The following ABI3BP variants were observed in gnomAD, a reference collection of about 807,000 sequenced individuals.
ABI3BP encodes ABI family member 3 binding protein, also known as target of Nesh-SH3.
In ABI3BP, 216 loss-of-function variants were observed where a neutral mutation model predicts 268.6. The ratio of observed to expected loss-of-function variants is 0.80; its 90% CI spans 0.72 to 0.90. The LOEUF (loss-of-function observed/expected upper bound fraction) is 0.90, where lower values mean the gene tolerates loss of function less well. Among genes scored for constraint, ABI3BP ranks in the 40% least tolerant of loss-of-function variants. The pLI is 0.00. For missense variants in ABI3BP, 2,090 were observed against 2,182.4 expected (o/e 0.96, Z 0.84); for synonymous variants, 730 against 730.0 (o/e 1.00, Z 0.00).
In ABI3BP at chr3:100,922,571, CGATGGT is replaced by C. The variant is rs1245322037; in HGVS notation, c.259+3725_259+3730del. Among the ~76,000 whole-genome samples the C allele has an allele frequency of 9.5e-4, 141 of 148,368 alleles. No homozygotes were observed. In the East Asian group the frequency reaches 0.014, roughly 14 times the overall value. On this transcript the variant is annotated intron_variant, in intron 2 of 67. Transcript: ENST00000471714. Reference sequence around the variant, plus strand: ...GTGATGGTGATGGCGATGGCGATGGCGATGGTGATGGTGATGGTGATGTGACGTGAC... The same window carrying C: ...GTGATGGTGATGGCGATGGCGATGGCGATGGTGATGGTGATGTGACGTGAC...
At chr3:100,975,041 T>G (rs2085443476) in intron 1 of ABI3BP, among the ~76,000 whole-genome samples, 1 of 152,170 alleles carries the variant, frequency 6.6e-6, no homozygotes, top group African/African-American at 2.4e-5. Context: ...AGAAGTTAGT[T>G]ATTTTGATAA....
intron 33 of ABI3BP, among the ~76,000 whole-genome samples, chr3:100,828,843 C>T (rs2098435844): frequency 6.6e-6 from 1 of 152,170 alleles, no homozygotes; most frequent in Non-Finnish European, 1.5e-5. Flanking sequence ...GGGCCAGCCC[C>T]TCAGTCTGTG....
At chr3:100,957,008 T>C (rs1263639622) in intron 1 of ABI3BP, among the ~76,000 whole-genome samples, 1 of 152,138 alleles carries the variant, frequency 6.6e-6, no homozygotes, top group Non-Finnish European at 1.5e-5. Context: ...TGATGGTAAG[T>C]TATTAGAGGT....
chr3:100,947,911 C>T (rs2073241635), intron 1 of ABI3BP, among the ~76,000 whole-genome samples: 1 of 152,148 alleles, frequency 6.6e-6, no homozygotes, highest in South Asian at 2.1e-4. Flanking sequence ...TCCATAACTG[C>T]TGTGATCTGA....
At chr3:100,838,119 A>G (rs960336537) in intron 26 of ABI3BP, 91 bp downstream of exon 26, 34 of 1,350,772 alleles carry the variant, frequency 2.5e-5, no homozygotes, top group East Asian at 2.0e-4. Flanking sequence ...TTGGATTTCT[A>G]TGATTTATAT....
At chr3:100,908,340 G>T (rs571378921) in intron 2 of ABI3BP, among the ~76,000 whole-genome samples, 13 of 152,272 alleles carry the variant, frequency 8.5e-5, no homozygotes, top group Non-Finnish European at 1.5e-4. Context: ...CAACGGGACT[G>T]TTGATAACTG....
At position 100,840,166 on chromosome 3, in the gene ABI3BP, T is replaced by C. The variant is rs1369556296; in HGVS notation, c.1805-2A>G. The C allele has an allele frequency of 6.6e-7, 1 of 1,523,372 alleles. No homozygotes were observed. The highest frequency in any genetic ancestry group is 1.2e-5 in the South Asian group (1 of 82,146). 94.4% of individuals were successfully genotyped at this position (1,523,372 alleles called of 1,614,324 possible). ...CTGGTCTTTTGGTCTTTCGTGGTGC[T>C]GAAGAAAGAAAATTAGCAAGTTAAT... On this transcript the variant is annotated splice_acceptor_variant, in intron 22 of 67. Coordinates refer to ENST00000471714, the MANE Select transcript of ABI3BP (RefSeq NM_001375547.2). LOFTEE classifies it high-confidence loss of function.
intron 1 of ABI3BP, chr3:100,952,815 T>C (rs2075568838): frequency 6.6e-6 from 1 of 152,142 alleles, no homozygotes; most frequent in Non-Finnish European, 1.5e-5. Context: ...AGCAAAGCAC[T>C]AAGACACTGA....
intron 40 of ABI3BP, 120 bp downstream of exon 40, chr3:100,820,100 C>A: frequency 1.2e-6 from 1 of 822,584 alleles, no homozygotes; most frequent in Non-Finnish European, 1.9e-6. Context: ...AGCAGTAGCA[C>A]ATCTTTTGTG....
intron 38 of ABI3BP, 137 bp downstream of exon 38, chr3:100,822,452 T>G: frequency 1.5e-6 from 1 of 654,954 alleles, no homozygotes; most frequent in East Asian, 2.7e-5. Flanking sequence ...ATCTTCACAG[T>G]GGGATCTGCT....
At chr3:100,967,445 A>C (rs1256347201) in intron 1 of ABI3BP, among the ~76,000 whole-genome samples, 2 of 151,040 alleles carry the variant, frequency 1.3e-5, no homozygotes, top group African/African-American at 4.9e-5. Context: ...AGGAGGTTGC[A>C]GTGAGCTGAG....
rs185232868 is a variant in ABI3BP at position 100,913,284 on chromosome 3, A to G, written c.260-10598T>C. Among the ~76,000 whole-genome samples, 646 of 152,314 alleles carry G rather than the reference A, an allele frequency of 4.2e-3. 4 individuals are homozygous for G. Among genetic ancestry groups the G allele is most frequent in the African/African-American group, 0.014 (599 of 41,562 alleles). On this transcript the variant is annotated intron_variant, in intron 2 of 67. Transcript: ENST00000471714. ...ACATCCACCCTGAAGACCATTGCTG[A>G]AAAAAGACAGGCTCCAATATTGTTG...
intron 57 of ABI3BP, among the ~76,000 whole-genome samples, chr3:100,785,694 A>T (rs1560079598): frequency 2.0e-5 from 3 of 152,166 alleles, no homozygotes; most frequent in African/African-American, 7.2e-5. Flanking sequence ...CATTAAGTAC[A>T]GTGTTAGTTG....
chr3:100,852,754 TAA>T (rs1463854822), intron 14 of ABI3BP, among the ~76,000 whole-genome samples: 1 of 152,208 alleles, frequency 6.6e-6, no homozygotes, highest in East Asian at 1.9e-4. Flanking sequence ...GGTTTAAAGA[TAA>T]ATTTTCTATT....
chr3:100,773,089 A>AG (rs1406691146), intron 61 of ABI3BP, among the ~76,000 whole-genome samples: 1 of 151,616 alleles, frequency 6.6e-6, no homozygotes, highest in African/African-American at 2.4e-5. Context: ...AAAAAAAAAA[A>AG]AAAAAGAAAA....
At chr3:100,981,214 T>A (rs2089238891) in intron 1 of ABI3BP, among the ~76,000 whole-genome samples, 1 of 151,194 alleles carries the variant, frequency 6.6e-6, no homozygotes, top group Non-Finnish European at 1.5e-5. Context: ...TGGAATACTT[T>A]GCATGACATA....
chr3:100,924,499 G>A (rs2061231775), intron 2 of ABI3BP, among the ~76,000 whole-genome samples: 1 of 152,058 alleles, frequency 6.6e-6, no homozygotes, highest in Non-Finnish European at 1.5e-5. Context: ...ACCCAGCAAT[G>A]AATACAGTAT....
chr3:100,846,022 T>C (rs16842881), intron 20 of ABI3BP, among the ~76,000 whole-genome samples: 18,563 of 152,104 alleles, frequency 0.12, 1,191 homozygotes, highest in South Asian at 0.16. Flanking sequence ...TCTTAGAAGA[T>C]AGAAACACTT....
At chr3:100,792,869 A>G in intron 54 of ABI3BP, 101 bp from the exon 55 acceptor site, 2 of 956,842 alleles carry the variant, frequency 2.1e-6, no homozygotes, top group Non-Finnish European at 3.2e-6. Flanking sequence ...TAATAAAAGG[A>G]TAAGTTGCAT....
Sources: gnomAD v4.1 joint callset for allele counts (sites outside exome capture counted in the v4.1 genomes callset) on GRCh38, gnomAD v4.1.1 for gene constraint, MANE v1.5 for transcripts, NCBI Gene and HGNC (gene_info 2026-07-23, HGNC 2026-07-21) for gene names.